Variants in JADE1 observed in about 807,000 individuals in gnomAD.
JADE1 encodes jade family PHD finger 1.
Under a neutral mutation model 81.8 loss-of-function variants are expected in JADE1, and 14 were observed. The observed-to-expected ratio is 0.17, with a 90% CI of 0.11 to 0.27. JADE1 has a LOEUF of 0.27. JADE1 is among the 10% of genes least tolerant of loss of function. The probability of loss-of-function intolerance (pLI) is 1.00; values close to 1 mark genes in which losing one functional copy is unlikely to be tolerated. For synonymous variants in JADE1, 353 were observed against 391.9 expected (o/e 0.90, Z 1.17); for missense variants, 690 against 1,047.9 (o/e 0.66, Z 4.71).
At chr4:128,827,860 G>A (rs977905764) in intron 1 of JADE1, 2 of 985,118 alleles carry the variant, frequency 2.0e-6, no homozygotes, top group African/African-American at 1.7e-5. Context: ...GAGAATGGAT[G>A]TGTATGAAGA....
rs141450110 is a variant in JADE1 at position 128,824,866 on chromosome 4, C to G, written c.-26-6867C>G. ...GCATATGAGCCATAAGACAAAATCA[C>G]TAGGTTGTAATCCTTATTATAGCTA... On this transcript the variant is annotated intron_variant, in intron 1 of 10. Transcript: ENST00000226319. 3.9e-3 allele frequency among the ~76,000 whole-genome samples: 598 copies of G among 152,306 alleles called. 2 individuals carry two copies. The highest frequency in any genetic ancestry group is 0.013 in the African/African-American group (553 of 41,578).
Position 128,846,395 on chromosome 4 carries a change from C to A in JADE1, c.159C>A (p.Ile53=). The change falls in exon 4 of 11, where the codon ATC becomes ATA. Residue 53 remains isoleucine, a synonymous_variant. Coordinates refer to ENST00000226319, the MANE Select transcript of JADE1 (RefSeq NM_199320.4). The surrounding 1 kb of genome is among the most constrained non-coding windows in gnomAD (Gnocchi z 4.0). ...TCCAGGTGTTTAGGACAGACCTGAT[C>A]ACTGCCATGAAGTTGCATGACTCCT... ...KPSEVFRTDL[I]TAMKLHDSYQ... The A allele has an allele frequency of 6.2e-7, 1 of 1,614,152 alleles. No individual in the cohort carries two copies. The highest frequency in any genetic ancestry group is 8.5e-7 in the Non-Finnish European group (1 of 1,180,014).
chr4:128,870,785 A>G (rs570372278), intron 10 of JADE1, among the ~76,000 whole-genome samples: 1 of 152,322 alleles, frequency 6.6e-6, no homozygotes, highest in East Asian at 1.9e-4. Flanking sequence ...AATAATGAAC[A>G]TTTTTGGAAC....
At chr4:128,827,937 C>T in intron 1 of JADE1, 1 of 976,800 alleles carries the variant, frequency 1.0e-6, no homozygotes, top group Non-Finnish European at 1.2e-6. Context: ...CCCAAACATG[C>T]CCCTTTTTCT....
At chr4:128,859,100 C>G (rs17013847) in intron 8 of JADE1, among the ~76,000 whole-genome samples, 1 of 151,744 alleles carries the variant, frequency 6.6e-6, no homozygotes, top group Non-Finnish European at 1.5e-5. Flanking sequence ...GCCTCTGGCC[C>G]GAGTTGGATT....
At chr4:128,843,805 G>A (rs1046449323) in intron 3 of JADE1, among the ~76,000 whole-genome samples, 1 of 152,200 alleles carries the variant, frequency 6.6e-6, no homozygotes, top group South Asian at 2.1e-4. Context: ...GCCTCATCCT[G>A]TAATGGCAAT....
rs1732400926 is a variant in JADE1 at position 128,874,162 on chromosome 4, A to C, written c.*1900A>C. On this transcript the variant is annotated 3_prime_UTR_variant, in exon 11 of 11. Transcript: ENST00000226319. ...ATATTCACTTGTAGGATAATTTAAA[A>C]ATTAGATTTTTTTTGCATATGAGCA... 1 of 152,612 alleles carries C rather than the reference A, an allele frequency of 6.6e-6. No homozygotes were observed. Among genetic ancestry groups the C allele is most frequent in the African/African-American group, 2.4e-5 (1 of 41,444 alleles). 9.5% of individuals were successfully genotyped at this position (152,612 alleles called of 1,614,324 possible).
chr4:128,824,795 A>G (rs1002621275), intron 1 of JADE1, among the ~76,000 whole-genome samples: 7 of 152,188 alleles, frequency 4.6e-5, no homozygotes, highest in Admixed American at 2.0e-4. Context: ...ATAAAAATGG[A>G]AACAGTAGAT....
chr4:128,833,625 C>CGG (rs1310140341), intron 2 of JADE1, among the ~76,000 whole-genome samples: 1 of 152,098 alleles, frequency 6.6e-6, no homozygotes, highest in Non-Finnish European at 1.5e-5. Flanking sequence ...ACCCAGGAGA[C>CGG]GGAGGTTGCA....
At chr4:128,813,720 C>T (rs982007522) in intron 1 of JADE1, among the ~76,000 whole-genome samples, 3 of 151,978 alleles carry the variant, frequency 2.0e-5, no homozygotes, top group Admixed American at 6.6e-5. Flanking sequence ...CACGCCCAGC[C>T]TGCTTACGGT....
At chr4:128,830,343 C>T (rs1049190666) in intron 1 of JADE1, among the ~76,000 whole-genome samples, 7 of 151,944 alleles carry the variant, frequency 4.6e-5, no homozygotes, top group African/African-American at 7.3e-5. Flanking sequence ...AAGCGATTCT[C>T]CTGCCTCAGC....
intron 1 of JADE1, among the ~76,000 whole-genome samples, chr4:128,829,386 G>A (rs1427395857): frequency 6.6e-6 from 1 of 152,080 alleles, no homozygotes; most frequent in Non-Finnish European, 1.5e-5. Flanking sequence ...CCTTTCTCTT[G>A]GTACATCATT....
chr4:128,842,424 C>T (rs1029621748), intron 2 of JADE1, among the ~76,000 whole-genome samples: 4 of 151,902 alleles, frequency 2.6e-5, no homozygotes, highest in Non-Finnish European at 5.9e-5. Context: ...CTCGGCTTTC[C>T]GAGTAGGTGG....
At chr4:128,821,777 C>A (rs1157140601) in intron 1 of JADE1, among the ~76,000 whole-genome samples, 3 of 152,168 alleles carry the variant, frequency 2.0e-5, no homozygotes, top group Non-Finnish European at 4.4e-5. Context: ...CCGCCTCGGC[C>A]TCCCAAAGTG....
At chr4:128,842,863 C>A in intron 2 of JADE1, 90 bp from the exon 3 acceptor site, 1 of 1,088,174 alleles carries the variant, frequency 9.2e-7, no homozygotes, top group Non-Finnish European at 1.4e-6. Context: ...TGAGGTGAGC[C>A]TGGGATGAGT....
In JADE1 at chr4:128,873,273, G is replaced by GAAAAAAAAAAAAAAAA. The variant is rs1553953485; in HGVS notation, c.*1018_*1019insAAAAAAAAAAAAAAAA. ...AGAAAAAGGAAAAAAAAAAAAAAAA[G>GAAAAAAAAAAAAAAAA]AAAAAAAGAAAAAAAAAAGAAAAAA... On this transcript the variant is annotated 3_prime_UTR_variant, in exon 11 of 11. Coordinates refer to ENST00000226319, the MANE Select transcript of JADE1 (RefSeq NM_199320.4). 2.5e-5 allele frequency: 2 copies of GAAAAAAAAAAAAAAAA among 78,650 alleles called. No individual in the cohort carries two copies. The highest frequency in any genetic ancestry group is 4.3e-4 in the South Asian group (1 of 2,308). 4.9% of individuals were successfully genotyped at this position (78,650 alleles called of 1,614,324 possible).
chr4:128,864,073 G>GT, intron 9 of JADE1: 3 of 985,090 alleles, frequency 3.0e-6, no homozygotes, highest in Non-Finnish European at 3.6e-6. Flanking sequence ...ATCAGGATTT[G>GT]TGTGTGTATG....
At chr4:128,822,014 T>C (rs184254598) in intron 1 of JADE1, among the ~76,000 whole-genome samples, 1 of 152,112 alleles carries the variant, frequency 6.6e-6, no homozygotes, top group South Asian at 2.1e-4. Flanking sequence ...ACCTTTTCTC[T>C]TTTTTTTCTT....
rs1354163041 is a variant in JADE1 at position 128,817,456 on chromosome 4, A to G, written c.-27+7579A>G. ...AGGACTTACTTTAAGTGAAGATTTC[A>G]GTGGTGTGGGTCCACACTGAGGCAT... On this transcript the variant is annotated intron_variant, in intron 1 of 10. Coordinates refer to ENST00000226319, the MANE Select transcript of JADE1 (RefSeq NM_199320.4). Among the ~76,000 whole-genome samples, 9 of 152,306 alleles carry G rather than the reference A, an allele frequency of 5.9e-5. No homozygotes were observed. The East Asian group carries it at 1.7e-3, about 29-fold the overall frequency.
Sources: gnomAD v4.1 joint callset for allele counts (sites outside exome capture counted in the v4.1 genomes callset) on GRCh38, gnomAD v4.1.1 for gene constraint, Gnocchi (gnomAD v3.1) non-coding constraint, MANE v1.5 for transcripts, NCBI Gene and HGNC (gene_info 2026-07-23, HGNC 2026-07-21) for gene names.